The following GDAP1 variants were observed in gnomAD, a reference collection of about 807,000 sequenced individuals.
GDAP1 encodes ganglioside induced differentiation associated protein 1.
GDAP1 carries 34 observed loss-of-function variants against 40.1 expected under a neutral mutation model. The ratio of observed to expected loss-of-function variants is 0.85; its 90% CI spans 0.64 to 1.13. The LOEUF is 1.13. GDAP1 is among the 50% of genes most tolerant of loss of function. The pLI, the probability that GDAP1 is intolerant of heterozygous loss-of-function variation, is 0.00. For missense variants in GDAP1, 374 were observed against 433.7 expected (o/e 0.86, Z 1.22); for synonymous variants, 170 against 157.4 (o/e 1.08, Z -0.60).
rs182883368 is a variant in GDAP1, at chr8:74,430,217, A to G, written c.166-58461A>G. 8.5e-5 allele frequency among the ~76,000 whole-genome samples: 13 copies of G among 152,344 alleles called. No homozygotes were observed. The East Asian group carries it at 2.3e-3, about 27-fold the overall frequency. Reference sequence around the variant, plus strand: ...GAGAAGCTGAAGGGCATTTTTATACATTGTTGATGTGATTGCAAAATGGTT... The same window carrying G: ...GAGAAGCTGAAGGGCATTTTTATACGTTGTTGATGTGATTGCAAAATGGTT... On this transcript the variant is annotated intron_variant, in intron 2 of 2. Transcript: ENST00000523640.
At chr8:74,390,874 C>G (rs1810098234) in intron 2 of GDAP1, among the ~76,000 whole-genome samples, 1 of 152,178 alleles carries the variant, frequency 6.6e-6, no homozygotes, top group Admixed American at 6.5e-5. Flanking sequence ...TTCAGAGATG[C>G]CCTGCCCAGA....
chr8:74,382,066 A>T (rs1013723327), intron 2 of GDAP1, among the ~76,000 whole-genome samples: 2 of 151,972 alleles, frequency 1.3e-5, no homozygotes, highest in African/African-American at 4.8e-5. Context: ...TCCTTCAAAG[A>T]TGACTAATGA....
At chr8:74,370,753 C>G (rs769241201), downstream of GDAP1, among the ~76,000 whole-genome samples, 3 of 152,108 alleles carry the variant, frequency 2.0e-5, no homozygotes, top group Non-Finnish European at 4.4e-5. Flanking sequence ...ATGAGATGTA[C>G]TTTAAACATG....
At chr8:74,480,821 G>T (rs1200907090) in intron 2 of GDAP1, among the ~76,000 whole-genome samples, 2 of 152,096 alleles carry the variant, frequency 1.3e-5, no homozygotes, top group African/African-American at 4.8e-5. Context: ...GAAGATTTGG[G>T]CAATAGGGTG....
At chr8:74,367,277 T>C (rs1334890043), downstream of GDAP1, among the ~76,000 whole-genome samples, 1 of 152,178 alleles carries the variant, frequency 6.6e-6, no homozygotes, top group East Asian at 1.9e-4. Context: ...ATTTTTGACA[T>C]AGCTAATTCT....
intron 2 of GDAP1, among the ~76,000 whole-genome samples, chr8:74,354,282 C>T (rs1036115773): frequency 6.6e-6 from 1 of 152,154 alleles, no homozygotes; most frequent in Non-Finnish European, 1.5e-5. Flanking sequence ...AAATTATCCC[C>T]AATGCCTTAT....
intron 2 of GDAP1, among the ~76,000 whole-genome samples, chr8:74,356,475 T>C (rs1250834773): frequency 6.6e-6 from 1 of 152,072 alleles, no homozygotes; most frequent in Non-Finnish European, 1.5e-5. Context: ...TAAATTTGTC[T>C]CAAAATCCTG....
chr8:74,366,712 A>G lies in GDAP1; in HGVS notation c.*2345A>G, dbSNP rs1338604317. Reference sequence around the variant, plus strand: ...CAGATGCCTTTTGAATCCATTTTCCATAATTGCGGATAGTCATAAATTGCT... The same window carrying G: ...CAGATGCCTTTTGAATCCATTTTCCGTAATTGCGGATAGTCATAAATTGCT... On this transcript the variant is annotated 3_prime_UTR_variant, in exon 6 of 6. Coordinates refer to ENST00000220822, the MANE Select transcript of GDAP1 (RefSeq NM_018972.4). 4.4e-6 allele frequency: 2 copies of G among 452,766 alleles called. No individual in the cohort carries two copies. The highest frequency in any genetic ancestry group is 2.0e-5 in the African/African-American group (1 of 49,942). 28.0% of individuals were successfully genotyped at this position (452,766 alleles called of 1,614,324 possible).
chr8:74,472,847 A>C (rs1176797910), intron 2 of GDAP1, among the ~76,000 whole-genome samples: 1 of 151,794 alleles, frequency 6.6e-6, no homozygotes, highest in Non-Finnish European at 1.5e-5. Flanking sequence ...TCCCAAACTC[A>C]AGCAGTCTTC....
chr8:74,483,895 G>A (rs1806743905), intron 2 of GDAP1, among the ~76,000 whole-genome samples: 1 of 152,112 alleles, frequency 6.6e-6, no homozygotes, highest in Non-Finnish European at 1.5e-5. Context: ...CGGGATAGTT[G>A]GCCAAAGACT....
intron 2 of GDAP1, among the ~76,000 whole-genome samples, chr8:74,412,810 G>A (rs1805730630): frequency 1.3e-5 from 2 of 149,306 alleles, no homozygotes. Flanking sequence ...TGTAATCCCA[G>A]CACTTTGGGA....
chr8:74,456,004 C>T (rs558620167), intron 2 of GDAP1, among the ~76,000 whole-genome samples: 208 of 152,000 alleles, frequency 1.4e-3, no homozygotes, highest in African/African-American at 4.7e-3. Context: ...AAGTCTTTCT[C>T]AAAGAGAACT....
At chr8:74,474,519 T>A (rs1586846467) in intron 2 of GDAP1, among the ~76,000 whole-genome samples, 1 of 152,216 alleles carries the variant, frequency 6.6e-6, no homozygotes, top group African/African-American at 2.4e-5. Context: ...CTGAATTTTA[T>A]TGAAAGCCTT....
At chr8:74,415,883 A>G (rs1439560684) in intron 2 of GDAP1, among the ~76,000 whole-genome samples, 1 of 149,674 alleles carries the variant, frequency 6.7e-6, no homozygotes, top group African/African-American at 2.6e-5. Flanking sequence ...CTGGCCAAGT[A>G]GGGATTTCAA....
chr8:74,372,749 G>A (rs1402435021), intron 2 of GDAP1, among the ~76,000 whole-genome samples: 3 of 152,142 alleles, frequency 2.0e-5, no homozygotes, highest in African/African-American at 7.2e-5. Context: ...TTCTTTTGCT[G>A]TGCAGAAGCT....
intron 2 of GDAP1, among the ~76,000 whole-genome samples, chr8:74,374,386 C>A (rs1345646329): frequency 6.6e-6 from 1 of 152,060 alleles, no homozygotes; most frequent in Non-Finnish European, 1.5e-5. Context: ...GCTTTAAATG[C>A]CTGTTTTGCA....
At chr8:74,402,450 C>G (rs897193345) in intron 2 of GDAP1, among the ~76,000 whole-genome samples, 1 of 150,250 alleles carries the variant, frequency 6.7e-6, no homozygotes, top group African/African-American at 2.5e-5. Context: ...TTCCAGGTGC[C>G]GTCTGTCACC....
At chr8:74,423,888 G>A (rs937867957) in intron 2 of GDAP1, among the ~76,000 whole-genome samples, 2 of 152,140 alleles carry the variant, frequency 1.3e-5, no homozygotes, top group Non-Finnish European at 2.9e-5. Context: ...GGGAAGAGAA[G>A]GGGAAGTTCC....
At chr8:74,387,783 A>G (rs1028492765) in intron 2 of GDAP1, among the ~76,000 whole-genome samples, 3 of 152,218 alleles carry the variant, frequency 2.0e-5, no homozygotes, top group African/African-American at 7.2e-5. Flanking sequence ...TACCCCTGGT[A>G]GAATTCAGCT....
Sources: allele counts gnomAD v4.1 joint callset (sites outside exome capture counted in the v4.1 genomes callset), GRCh38; gene constraint gnomAD v4.1.1; transcripts MANE v1.5; gene names NCBI Gene and HGNC (gene_info 2026-07-23, HGNC 2026-07-21).